The following ZHX2 variants were observed in gnomAD, a reference collection of about 807,000 sequenced individuals.
ZHX2 encodes zinc fingers and homeoboxes protein 2.
ZHX2 carries 6 observed loss-of-function variants against 21.9 expected under a neutral mutation model. The ratio of observed to expected loss-of-function variants is 0.27; its 90% CI spans 0.15 to 0.54. The LOEUF is 0.54. Ranked by LOEUF, ZHX2 falls within the 20% of genes least tolerant of loss-of-function variation. The pLI is 0.95. For missense variants in ZHX2, 908 were observed against 1,090.7 expected (o/e 0.83, Z 2.36); for synonymous variants, 434 against 437.1 (o/e 0.99, Z 0.09).
intron 2 of ZHX2, among the ~76,000 whole-genome samples, chr8:122,900,278 C>G (rs1296275919): frequency 6.6e-6 from 1 of 152,156 alleles, no homozygotes; most frequent in Admixed American, 6.5e-5. Flanking sequence ...GCTACTTACA[C>G]TCATGGTGAA....
intron 2 of ZHX2, among the ~76,000 whole-genome samples, chr8:122,924,547 TG>T (rs750444588): frequency 6.6e-6 from 1 of 152,164 alleles, no homozygotes; most frequent in Non-Finnish European, 1.5e-5. Context: ...AGAGATGGAC[TG>T]GGGCCAAAGC....
At chr8:122,859,913 T>C (rs1237080597) in intron 1 of ZHX2, among the ~76,000 whole-genome samples, 1 of 152,232 alleles carries the variant, frequency 6.6e-6, no homozygotes, top group African/African-American at 2.4e-5. Flanking sequence ...ACATTTAATA[T>C]TAACATGTTC....
intron 2 of ZHX2, among the ~76,000 whole-genome samples, chr8:122,886,723 CACTTA>C (rs1440961386): frequency 2.0e-5 from 3 of 152,124 alleles, no homozygotes; most frequent in Non-Finnish European, 4.4e-5. Context: ...TAATAGTGAA[CACTTA>C]ACTGAGTACT....
chr8:122,884,599 T>G (rs1819795065), intron 2 of ZHX2, among the ~76,000 whole-genome samples: 1 of 152,216 alleles, frequency 6.6e-6, no homozygotes, highest in African/African-American at 2.4e-5. Flanking sequence ...AGAACCTGAG[T>G]GCAAAAGCTG....
At chr8:122,957,085 T>C (rs1220102869) in intron 3 of ZHX2, among the ~76,000 whole-genome samples, 1 of 152,130 alleles carries the variant, frequency 6.6e-6, no homozygotes, top group East Asian at 1.9e-4. Context: ...CTATACATGG[T>C]CTTACTTAAT....
chr8:122,950,168 T>C (rs886191239), intron 2 of ZHX2, among the ~76,000 whole-genome samples: 1 of 152,008 alleles, frequency 6.6e-6, no homozygotes, highest in Non-Finnish European at 1.5e-5. Flanking sequence ...AAAATAAGGA[T>C]TAAGGGTATT....
intron 1 of ZHX2, among the ~76,000 whole-genome samples, chr8:122,798,469 A>G (rs969355066): frequency 6.6e-6 from 1 of 152,110 alleles, no homozygotes; most frequent in Non-Finnish European, 1.5e-5. Context: ...CTCTGAATAC[A>G]TTGCATGGGG....
intron 2 of ZHX2, among the ~76,000 whole-genome samples, chr8:122,892,870 G>A (rs1405395372): frequency 6.6e-6 from 1 of 152,080 alleles, no homozygotes; most frequent in Non-Finnish European, 1.5e-5. Flanking sequence ...ATTTTTAGTA[G>A]AGATGGGGTT....
At chr8:122,842,787 T>C (rs1818667722) in intron 1 of ZHX2, among the ~76,000 whole-genome samples, 1 of 152,134 alleles carries the variant, frequency 6.6e-6, no homozygotes, top group African/African-American at 2.4e-5. Context: ...GCCCAAGACT[T>C]TTCTCCCCTG....
At chr8:122,870,662 A>G (rs1015697347) in intron 2 of ZHX2, among the ~76,000 whole-genome samples, 85 of 127,554 alleles carry the variant, frequency 6.7e-4, no homozygotes, top group Non-Finnish European at 1.0e-3. Context: ...AAAAAAAAAA[A>G]AAAAGAAAGA....
In ZHX2 at chr8:122,859,861, A is replaced by G. The variant is rs546438208; in HGVS notation, c.-282-3616A>G. ...GTGCATAGCACAGAATCAGATATATATGGGTACCCAATGAATTATTGTTAG... is the reference window on the plus strand; with the variant it reads ...GTGCATAGCACAGAATCAGATATATGTGGGTACCCAATGAATTATTGTTAG... On this transcript the variant is annotated intron_variant, in intron 1 of 3. Coordinates refer to ENST00000314393, the MANE Select transcript of ZHX2 (RefSeq NM_014943.5). 4.6e-5 allele frequency among the ~76,000 whole-genome samples: 7 copies of G among 152,326 alleles called. No homozygotes were observed. The East Asian group carries it at 9.6e-4, about 21-fold the overall frequency.
intron 3 of ZHX2, among the ~76,000 whole-genome samples, chr8:122,958,715 G>C (rs1433131481): frequency 1.3e-5 from 2 of 152,182 alleles, no homozygotes; most frequent in Non-Finnish European, 2.9e-5. Context: ...CTATGGCCCT[G>C]CCCTCTCCAA....
chr8:122,968,409 G>C (rs1055712619), intron 3 of ZHX2, among the ~76,000 whole-genome samples: 1 of 152,162 alleles, frequency 6.6e-6, no homozygotes, highest in African/African-American at 2.4e-5. Flanking sequence ...ATTTGGGATG[G>C]CACGGAGTTT....
intron 2 of ZHX2, among the ~76,000 whole-genome samples, chr8:122,888,407 G>C (rs142717670): frequency 1.3e-5 from 2 of 152,042 alleles, no homozygotes; most frequent in Admixed American, 6.6e-5. Flanking sequence ...ATTTCTTTCC[G>C]TTAGGAAGAT....
intron 1 of ZHX2, among the ~76,000 whole-genome samples, chr8:122,841,510 A>C (rs971520618): frequency 2.0e-5 from 3 of 149,682 alleles, no homozygotes; most frequent in Non-Finnish European, 4.4e-5. Context: ...AACTACACAG[A>C]GTTCTTGTAC....
intron 2 of ZHX2, among the ~76,000 whole-genome samples, chr8:122,910,991 A>C (rs1820466606): frequency 6.6e-6 from 1 of 152,214 alleles, no homozygotes; most frequent in Non-Finnish European, 1.5e-5. Context: ...GTTATAAGTC[A>C]TGACAAGAAG....
intron 2 of ZHX2, among the ~76,000 whole-genome samples, chr8:122,922,199 A>G (rs1391783452): frequency 6.6e-6 from 1 of 151,268 alleles, no homozygotes; most frequent in Non-Finnish European, 1.5e-5. Context: ...TCTTTCTTAG[A>G]CTTCTCCCAG....
chr8:122,790,807 CAT>C (rs1038107825), intron 1 of ZHX2, among the ~76,000 whole-genome samples: 3 of 152,126 alleles, frequency 2.0e-5, no homozygotes, highest in Non-Finnish European at 2.9e-5. Flanking sequence ...GGGGTTTCAC[CAT>C]GTTGGCCAGG....
At chr8:122,787,536 G>C (rs779267171) in intron 1 of ZHX2, among the ~76,000 whole-genome samples, 1 of 152,206 alleles carries the variant, frequency 6.6e-6, no homozygotes, top group Non-Finnish European at 1.5e-5. Context: ...GGAAGCCCAC[G>C]CTGAGTTTAT....
Sources: allele counts gnomAD v4.1 joint callset (sites outside exome capture counted in the v4.1 genomes callset), GRCh38; gene constraint gnomAD v4.1.1; transcripts MANE v1.5; gene names NCBI Gene and HGNC (gene_info 2026-07-23, HGNC 2026-07-21).